KLF7: variants seen among roughly 807,000 people sequenced by gnomAD.
KLF7 encodes Krueppel-like factor 7.
A neutral mutation model predicts 27.3 loss-of-function variants in KLF7; 2 were observed. That is an observed-to-expected ratio of 0.07 (90% CI 0.03 to 0.23). KLF7 has a LOEUF of 0.23. KLF7 is among the 10% of genes least tolerant of loss of function. KLF7 has a pLI of 1.00. For missense variants in KLF7, 221 were observed against 394.1 expected, an observed-to-expected ratio of 0.56 and a Z score of 3.72; for synonymous variants, 165 against 162.4, an observed-to-expected ratio of 1.02 and a Z score of -0.12.
intron 2 of KLF7, among the ~76,000 whole-genome samples, chr2:207,119,623 G>A (rs1460916719): frequency 6.6e-6 from 1 of 152,168 alleles, no homozygotes; most frequent in African/African-American, 2.4e-5. Context: ...GGTCTGCAAT[G>A]ACTTGGCTGC....
At chr2:207,090,353 C>A (rs2076482834) in intron 2 of KLF7, among the ~76,000 whole-genome samples, 1 of 152,226 alleles carries the variant, frequency 6.6e-6, no homozygotes, top group African/African-American at 2.4e-5. Flanking sequence ...GGAGGTGCCA[C>A]ATAACCTTTG....
At chr2:207,147,948 G>T (rs932363451) in intron 1 of KLF7, among the ~76,000 whole-genome samples, 2 of 152,042 alleles carry the variant, frequency 1.3e-5, no homozygotes, top group African/African-American at 4.8e-5. Flanking sequence ...TAACTGCAGT[G>T]AACTTGGAAT....
At chr2:207,166,789 C>T (rs1318448172), upstream of KLF7, 6 of 996,916 alleles carry the variant, frequency 6.0e-6, no homozygotes, top group South Asian at 1.4e-4. Flanking sequence ...TCCAGGGCCC[C>T]TTCCCGAACT....
chr2:207,125,496 C>T (rs982360167), intron 1 of KLF7, among the ~76,000 whole-genome samples: 4 of 152,148 alleles, frequency 2.6e-5, no homozygotes, highest in African/African-American at 9.7e-5. Flanking sequence ...TTACTGCCCC[C>T]GTAAAGCTCC....
chr2:207,075,990 C>A lies in KLF7; in HGVS notation c.*5223G>T, dbSNP rs1329243102. 1.3e-5 allele frequency: 2 copies of A among 152,038 alleles called. No homozygotes were observed. The highest frequency in any genetic ancestry group is 2.9e-5 in the Non-Finnish European group (2 of 68,022). 9.4% of individuals were successfully genotyped at this position (152,038 alleles called of 1,614,324 possible). On this transcript the variant is annotated 3_prime_UTR_variant, in exon 4 of 4. Coordinates refer to ENST00000309446, the MANE Select transcript of KLF7 (RefSeq NM_003709.4). ...ATGTCCCCTCTGCCCACCCCCAACC[C>A]CTCCCCGCTATGTGGAACTCCCAGT...
rs183643054 is a variant in KLF7 at position 207,080,484 on chromosome 2, G to A, written c.*729C>T. On this transcript the variant is annotated 3_prime_UTR_variant, in exon 4 of 4. Coordinates refer to ENST00000309446, the MANE Select transcript of KLF7 (RefSeq NM_003709.4). Reference sequence around the variant, plus strand: ...AAAAGAAAACTCCTCCCTTGAGAGTGAAGTCTACAGAAATGCAGGCCAGAA... The same window carrying A: ...AAAAGAAAACTCCTCCCTTGAGAGTAAAGTCTACAGAAATGCAGGCCAGAA... 3 of 209,818 alleles carry A rather than the reference G, an allele frequency of 1.4e-5. No individual in the cohort carries two copies. Among genetic ancestry groups the A allele is most frequent in the Non-Finnish European group, 2.8e-5 (3 of 106,146 alleles). The allele number at this position is 209,818 out of a possible 1,614,324, so 13.0% of individuals were successfully genotyped here. A position where few individuals can be genotyped will look rare whatever the true frequency, so the allele number is the denominator to read the frequency against.
chr2:207,166,830 G>A (rs2078726989), upstream of KLF7: 2 of 1,023,228 alleles, frequency 2.0e-6, no homozygotes, highest in Non-Finnish European at 2.3e-6. Flanking sequence ...CAGAGAAGAA[G>A]CGCCTGAGGA....
chr2:207,114,871 T>C (rs965863570), intron 2 of KLF7, among the ~76,000 whole-genome samples: 8 of 152,192 alleles, frequency 5.3e-5, no homozygotes, highest in African/African-American at 1.9e-4. Flanking sequence ...GCTCATCTAG[T>C]GAAACAGATA....
chr2:207,133,993 C>T, intron 1 of KLF7: 1 of 1,171,784 alleles, frequency 8.5e-7, no homozygotes, highest in South Asian at 1.4e-5. Flanking sequence ...CTTATGCACC[C>T]CCACCCGCTC....
At chr2:207,100,243 T>C (rs531941599) in intron 2 of KLF7, among the ~76,000 whole-genome samples, 1 of 152,364 alleles carries the variant, frequency 6.6e-6, no homozygotes, top group Admixed American at 6.5e-5. Flanking sequence ...ATCCGTTTTT[T>C]AGAGCTTTTT....
At chr2:207,127,226 C>T (rs1217252787) in intron 1 of KLF7, among the ~76,000 whole-genome samples, 1 of 152,044 alleles carries the variant, frequency 6.6e-6, no homozygotes, top group East Asian at 1.9e-4. Flanking sequence ...AATCCTAATA[C>T]AGGGCATTTT....
At chr2:207,111,625 C>G (rs1335558799) in intron 2 of KLF7, among the ~76,000 whole-genome samples, 1 of 152,094 alleles carries the variant, frequency 6.6e-6, no homozygotes, top group Non-Finnish European at 1.5e-5. Context: ...CTGAGGAGAA[C>G]CAGGGGTTGA....
At chr2:207,138,469 C>T (rs532347294) in intron 1 of KLF7, among the ~76,000 whole-genome samples, 13 of 152,276 alleles carry the variant, frequency 8.5e-5, no homozygotes, top group Non-Finnish European at 1.9e-4. Context: ...TCTCAATCAT[C>T]TCAGCCAAAA....
intron 3 of KLF7, among the ~76,000 whole-genome samples, chr2:207,087,620 T>C (rs1042718622): frequency 6.6e-6 from 1 of 152,206 alleles, no homozygotes; most frequent in Non-Finnish European, 1.5e-5. Context: ...AGTATTGCAT[T>C]AAAAAGATGG....
At position 207,124,292 on chromosome 2, in the gene KLF7, T is replaced by G. The variant is rs1334032145; in HGVS notation, c.215A>C (p.Glu72Ala). ...LHASPPPCIE[E>A]SFRRLDPLLL... ...CAGGGGGTCTAAGCGACGGAAGCTT[T>G]CCTCAATGCACGGGGGAGGGGAAGC... is the stretch of plus-strand genomic sequence containing the variant. Residue 72 changes from glutamate to alanine, a missense_variant, in exon 2 of 4, where the codon GAA becomes GCA. By Grantham distance (107) the Glu-to-Ala change is moderately radical. This residue lies in a region of KLF7 where 180 missense variants were observed against 227.9 expected (regional missense o/e 0.79). Transcript: ENST00000309446. 8.1e-6 allele frequency: 13 copies of G among 1,613,872 alleles called. No individual in the cohort carries two copies. The highest frequency in any genetic ancestry group is 1.1e-5 in the Non-Finnish European group (13 of 1,179,982).
intron 2 of KLF7, among the ~76,000 whole-genome samples, chr2:207,115,456 C>T (rs1279927153): frequency 6.6e-6 from 1 of 152,206 alleles, no homozygotes; most frequent in African/African-American, 2.4e-5. Context: ...TATTTCACCA[C>T]CCATTGGTGA....
intron 2 of KLF7, among the ~76,000 whole-genome samples, chr2:207,116,519 A>G (rs997259372): frequency 6.6e-6 from 1 of 152,222 alleles, no homozygotes; most frequent in East Asian, 1.9e-4. Flanking sequence ...ATCAATTCTT[A>G]TAACGTCATC....
chr2:207,142,999 G>A (rs891877199), intron 1 of KLF7, among the ~76,000 whole-genome samples: 1 of 152,196 alleles, frequency 6.6e-6, no homozygotes, highest in Non-Finnish European at 1.5e-5. Context: ...CCCAGTAGCC[G>A]TATTAATGTT....
chr2:207,172,713 AAT>A, the KLF7 span, among the ~76,000 whole-genome samples: 1 of 152,214 alleles, frequency 6.6e-6, no homozygotes, highest in Non-Finnish European at 1.5e-5. Context: ...CTGAATCAGC[AAT>A]ATAGTCACCC....
Sources: allele counts gnomAD v4.1 joint callset (sites outside exome capture counted in the v4.1 genomes callset), GRCh38; gene constraint gnomAD v4.1.1; regional missense constraint gnomAD v4.1.1; transcripts MANE v1.5; gene names NCBI Gene and HGNC (gene_info 2026-07-23, HGNC 2026-07-21).